The following WWTR1 variants were observed in gnomAD, a reference collection of about 807,000 sequenced individuals.
WWTR1 encodes WW domain containing transcription regulator 1.
A neutral mutation model predicts 40.1 loss-of-function variants in WWTR1; 13 were observed. That is an observed-to-expected ratio of 0.32 (90% CI 0.21 to 0.52). The LOEUF is 0.52. Ranked by LOEUF, WWTR1 falls within the 20% of genes least tolerant of loss-of-function variation. The pLI is 0.97. For synonymous variants in WWTR1, 230 were observed against 210.1 expected, an observed-to-expected ratio of 1.09 and a Z score of -0.82; for missense variants, 436 against 523.1, an observed-to-expected ratio of 0.83 and a Z score of 1.63.
At chr3:149,528,482 G>T (rs1177528885) in intron 4 of WWTR1, among the ~76,000 whole-genome samples, 1 of 152,160 alleles carries the variant, frequency 6.6e-6, no homozygotes, top group Non-Finnish European at 1.5e-5. Context: ...ACAATGAGTT[G>T]AAAGTTTACT....
chr3:149,518,752 CCTT>C lies in WWTR1; in HGVS notation c.*2050_*2052del, dbSNP rs1734908467. On this transcript the variant is annotated 3_prime_UTR_variant, in exon 7 of 7. Coordinates refer to ENST00000360632, the MANE Select transcript of WWTR1 (RefSeq NM_015472.6). ...TCCTCCCACATAAGGTGCACCAAAG[CCTT>C]CTTTTCTTCTACAACAGAGTCTTCC... The C allele has an allele frequency of 6.6e-6, 1 of 151,886 alleles. No homozygotes were observed. Among genetic ancestry groups the C allele is most frequent in the Admixed American group, 6.6e-5 (1 of 15,204 alleles). The allele number at this position is 151,886 out of a possible 1,614,324, so 9.4% of individuals were successfully genotyped here.
chr3:149,591,194 G>A (rs1251229367), intron 2 of WWTR1, among the ~76,000 whole-genome samples: 2 of 152,088 alleles, frequency 1.3e-5, no homozygotes, highest in South Asian at 2.1e-4. Flanking sequence ...GACCTAAAAG[G>A]AAGAGGTAAA....
chr3:149,585,310 T>C (rs1437564281), intron 2 of WWTR1, among the ~76,000 whole-genome samples: 2 of 152,180 alleles, frequency 1.3e-5, no homozygotes, highest in African/African-American at 4.8e-5. Context: ...TTTTTTTGTA[T>C]TTTTAGTAGA....
chr3:149,671,956 G>A (rs879514358), intron 1 of WWTR1, among the ~76,000 whole-genome samples: 5 of 152,116 alleles, frequency 3.3e-5, no homozygotes, highest in Admixed American at 6.5e-5. Flanking sequence ...GAATAGTCCT[G>A]GGTGAGGTCC....
At chr3:149,595,118 C>T (rs1007422863) in intron 2 of WWTR1, among the ~76,000 whole-genome samples, 10 of 151,648 alleles carry the variant, frequency 6.6e-5, no homozygotes, top group African/African-American at 2.2e-4. Flanking sequence ...TGCACCACCA[C>T]GCCCAGCTAA....
intron 2 of WWTR1, among the ~76,000 whole-genome samples, chr3:149,627,588 C>A (rs1244410669): frequency 6.6e-6 from 1 of 152,062 alleles, no homozygotes; most frequent in African/African-American, 2.4e-5. Context: ...TACAGGAGGC[C>A]CCCAAATCAA....
chr3:149,709,646 C>G (rs1050621723), intron 5 of WWTR1, among the ~76,000 whole-genome samples: 2 of 152,002 alleles, frequency 1.3e-5, no homozygotes, highest in African/African-American at 4.8e-5. Context: ...GGCTCACGAC[C>G]GTAATCCCAG....
In WWTR1 at chr3:149,657,297, C is replaced by T. The variant is rs1713301106; in HGVS notation, c.10G>A (p.Ala4Thr). Reference sequence around the variant, plus strand: ...GGCGGGAGCGGAGGGGGCGCCGAGGCCGGATTCATCTTCTGCAAAAAGAAG... The same window carrying T: ...GGCGGGAGCGGAGGGGGCGCCGAGGTCGGATTCATCTTCTGCAAAAAGAAG... MNP[A>T]SAPPPLPPPG... The change falls in exon 2 of 7, where the codon GCC becomes ACC. Residue 4 changes from alanine to threonine, a missense_variant. Transcript: ENST00000360632. The T allele has an allele frequency of 1.2e-6, 2 of 1,610,050 alleles. No homozygotes were observed. Among genetic ancestry groups the T allele is most frequent in the Non-Finnish European group, 8.5e-7 (1 of 1,178,254 alleles).
At chr3:149,645,761 T>G (rs1295094889) in intron 2 of WWTR1, among the ~76,000 whole-genome samples, 2 of 152,198 alleles carry the variant, frequency 1.3e-5, no homozygotes, top group Non-Finnish European at 2.9e-5. Context: ...TATTCAGTAT[T>G]TTAATATCTG....
intron 4 of WWTR1, among the ~76,000 whole-genome samples, chr3:149,530,297 G>A (rs917348674): frequency 7.9e-5 from 12 of 151,576 alleles, no homozygotes; most frequent in Admixed American, 2.6e-4. Flanking sequence ...GCATTGAGCC[G>A]AGATTGCACC....
intron 2 of WWTR1, among the ~76,000 whole-genome samples, chr3:149,573,287 G>T (rs949299006): frequency 1.3e-5 from 2 of 152,054 alleles, no homozygotes; most frequent in African/African-American, 4.8e-5. Flanking sequence ...CCCTCGGCCC[G>T]TGGAGCTTGT....
In WWTR1 at chr3:149,646,750, G is replaced by A. The variant is rs142002145; in HGVS notation, c.431+10126C>T. On this transcript the variant is annotated intron_variant, in intron 2 of 6. Transcript: ENST00000360632. Reference sequence around the variant, plus strand: ...CTAGCTAACAAATTAGATGGGAACCGGAGAGCTGTTCTTTGGGCAAAGAAT... The same window carrying A: ...CTAGCTAACAAATTAGATGGGAACCAGAGAGCTGTTCTTTGGGCAAAGAAT... Among the ~76,000 whole-genome samples, 78 of 152,288 alleles carry A rather than the reference G, an allele frequency of 5.1e-4. 1 individual carries two copies. In the East Asian group the frequency reaches 0.014, roughly 26 times the overall value.
At chr3:149,691,562 A>G (rs1559842646) in intron 1 of WWTR1, among the ~76,000 whole-genome samples, 1 of 152,146 alleles carries the variant, frequency 6.6e-6, no homozygotes, top group Non-Finnish European at 1.5e-5. Context: ...AACCTAGAAG[A>G]AATGAATAAA....
intron 1 of WWTR1, among the ~76,000 whole-genome samples, chr3:149,700,674 G>A (rs1715141153): frequency 6.6e-6 from 1 of 152,056 alleles, no homozygotes; most frequent in Non-Finnish European, 1.5e-5. Context: ...AAAGTTCCTG[G>A]TACTCTAGAA....
chr3:149,551,190 G>A (rs1560056150), intron 3 of WWTR1, among the ~76,000 whole-genome samples: 1 of 143,854 alleles, frequency 7.0e-6, no homozygotes, highest in Non-Finnish European at 1.5e-5. Flanking sequence ...CCAGCTACTC[G>A]GGAGTCTGCG....
intron 2 of WWTR1, among the ~76,000 whole-genome samples, chr3:149,589,740 C>A (rs961661341): frequency 6.6e-6 from 1 of 151,424 alleles, no homozygotes; most frequent in Non-Finnish European, 1.5e-5. Context: ...ATGCAGAAGG[C>A]CTTACACACA....
chr3:149,518,052 T>C lies in WWTR1; in HGVS notation c.*2753A>G, dbSNP rs1734870502. On this transcript the variant is annotated 3_prime_UTR_variant, in exon 7 of 7. Coordinates refer to ENST00000360632, the MANE Select transcript of WWTR1 (RefSeq NM_015472.6). ...TTTTAACACTTACAATAATAGGAAATAGCCATTAAAAAGTTGCTCTAACTT... is the reference window on the plus strand; with the variant it reads ...TTTTAACACTTACAATAATAGGAAACAGCCATTAAAAAGTTGCTCTAACTT... 6.6e-6 allele frequency: 1 copy of C among 152,098 alleles called. No homozygotes were observed. Among genetic ancestry groups the C allele is most frequent in the African/African-American group, 2.4e-5 (1 of 41,434 alleles). The allele number at this position is 152,098 out of a possible 1,614,324, so 9.4% of individuals were successfully genotyped here. A position where few individuals can be genotyped will look rare whatever the true frequency, so the allele number is the denominator to read the frequency against.
Position 149,535,381 on chromosome 3 carries a change from A to G in WWTR1, c.771+6954T>C, listed in dbSNP as rs527257872. Among the ~76,000 whole-genome samples, 219 of 152,148 alleles carry G rather than the reference A, an allele frequency of 1.4e-3. 1 individual carries two copies. Among genetic ancestry groups the G allele is most frequent in the Non-Finnish European group, 2.4e-3 (163 of 68,000 alleles). Reference sequence around the variant, plus strand: ...TTCTTTACGGGGGACGGCGGGGGGAACAAAAAAAAATTACTGATGTATATT... The same window carrying G: ...TTCTTTACGGGGGACGGCGGGGGGAGCAAAAAAAAATTACTGATGTATATT... On this transcript the variant is annotated intron_variant, in intron 4 of 6. Coordinates refer to ENST00000360632, the MANE Select transcript of WWTR1 (RefSeq NM_015472.6).
intron 2 of WWTR1, among the ~76,000 whole-genome samples, chr3:149,665,033 G>T (rs1181424232): frequency 6.6e-6 from 1 of 151,896 alleles, no homozygotes; most frequent in Non-Finnish European, 1.5e-5. Context: ...ATCATTTTGG[G>T]GCAAGGGACT....
Sources: gnomAD v4.1 joint callset for allele counts (sites outside exome capture counted in the v4.1 genomes callset) on GRCh38, gnomAD v4.1.1 for gene constraint, MANE v1.5 for transcripts, NCBI Gene and HGNC (gene_info 2026-07-23, HGNC 2026-07-21) for gene names.